Variants in GTSF1 observed in about 807,000 individuals in gnomAD.
GTSF1 encodes gametocyte-specific factor 1.
GTSF1 carries 11 observed loss-of-function variants against 28.9 expected under a neutral mutation model. The observed-to-expected ratio is 0.38, with a 90% CI of 0.24 to 0.63. GTSF1 has a LOEUF of 0.63. Among genes scored for constraint, GTSF1 ranks in the 30% least tolerant of loss-of-function variants. GTSF1 has a pLI of 0.56. For synonymous variants in GTSF1, 69 were observed against 65.6 expected (o/e 1.05, Z -0.25); for missense variants, 146 against 201.0 (o/e 0.73, Z 1.66).
intron 3 of GTSF1, among the ~76,000 whole-genome samples, chr12:54,464,139 T>C (rs909674552): frequency 6.6e-6 from 1 of 152,206 alleles, no homozygotes; most frequent in Non-Finnish European, 1.5e-5. Flanking sequence ...TCATAAGTGG[T>C]ATCAGGCATT....
chr12:54,462,476 C>T (rs370179507), intron 5 of GTSF1, among the ~76,000 whole-genome samples, 166 bp downstream of exon 5: 1 of 152,174 alleles, frequency 6.6e-6, no homozygotes, highest in Non-Finnish European at 1.5e-5. Flanking sequence ...GGCTGTTCCA[C>T]GTGTCTGCAC....
intron 6 of GTSF1, 130 bp from the exon 7 acceptor site, chr12:54,460,601 C>T (rs1956406279): frequency 4.7e-6 from 3 of 635,100 alleles, no homozygotes; most frequent in Middle Eastern, 2.6e-4. Context: ...AATGTAAACA[C>T]ATTTCCATCA....
chr12:54,467,735 T>A (rs1372094795), intron 2 of GTSF1, among the ~76,000 whole-genome samples: 2 of 152,116 alleles, frequency 1.3e-5, no homozygotes, highest in Non-Finnish European at 2.9e-5. Context: ...ATGTATCAAA[T>A]TTTTGATTTT....
chr12:54,458,373 A>T lies in GTSF1; in HGVS notation c.*20+716T>A, dbSNP rs577515367. ...TAGAAACCCAAAGCTTTTATTTTTT[A>T]AATTTTATTTTATTTTTGAGACATA... On this transcript the variant is annotated intron_variant, in intron 8 of 8. Coordinates refer to ENST00000305879, the MANE Select transcript of GTSF1 (RefSeq NM_144594.3). 3.0e-3 allele frequency among the ~76,000 whole-genome samples: 460 copies of T among 152,184 alleles called. 1 individual carries two copies. Among genetic ancestry groups the T allele is most frequent in the African/African-American group, 0.011 (445 of 41,534 alleles).
intron 2 of GTSF1, among the ~76,000 whole-genome samples, chr12:54,469,357 C>A (rs61923472): frequency 0.19 from 28,571 of 151,894 alleles, 2,925 homozygotes; most frequent in African/African-American, 0.26. Flanking sequence ...GATTACGGGC[C>A]TGAACCACCG....
At chr12:54,458,968 GCA>G (rs1053261807) in intron 8 of GTSF1, 119 bp downstream of exon 8, 1 of 622,932 alleles carries the variant, frequency 1.6e-6, no homozygotes, top group African/African-American at 1.9e-5. Flanking sequence ...AAAAACACAT[GCA>G]CACACAAAGC....
Position 54,462,670 on chromosome 12 carries a change from G to GCA in GTSF1, c.298_299dup (p.Pro101AlafsTer37), listed in dbSNP as rs1235897734. On this transcript the variant is annotated frameshift_variant, in exon 5 of 9. Coordinates refer to ENST00000305879, the MANE Select transcript of GTSF1 (RefSeq NM_144594.3). LOFTEE classifies it high-confidence loss of function. ...TATCCCAGTCTTCATCGCAAGGAGG[G>GCA]CACTGCCAAGTGCTCTCAGCCAGAG... The GCA allele has an allele frequency of 6.2e-7, 1 of 1,613,912 alleles. No individual in the cohort carries two copies.
chr12:54,463,354 G>A, intron 3 of GTSF1, 57 bp from the exon 4 acceptor site: 1 of 1,574,216 alleles, frequency 6.4e-7, no homozygotes, highest in South Asian at 1.1e-5. Context: ...AAGTCAACAG[G>A]GAGTAGCTAA....
At chr12:54,463,343 A>G (rs1956454129) in intron 3 of GTSF1, 46 bp from the exon 4 acceptor site, 2 of 1,604,628 alleles carry the variant, frequency 1.2e-6, no homozygotes, top group South Asian at 1.1e-5. Flanking sequence ...TGGATCTACT[A>G]AAGTCAACAG....
intron 6 of GTSF1, 59 bp from the exon 7 acceptor site, chr12:54,460,530 T>C: frequency 1.8e-6 from 2 of 1,104,408 alleles, no homozygotes; most frequent in Non-Finnish European, 2.7e-6. Flanking sequence ...CAGGCACACG[T>C]AAGATAATCA....
At chr12:54,466,154 T>C (rs780279499) in intron 2 of GTSF1, among the ~76,000 whole-genome samples, 10 of 152,180 alleles carry the variant, frequency 6.6e-5, no homozygotes, top group Non-Finnish European at 1.5e-4. Flanking sequence ...GTGCCCCAAA[T>C]TTTAACAAGC....
chr12:54,460,555 T>C (rs1956405887), intron 6 of GTSF1, 84 bp from the exon 7 acceptor site: 4 of 891,356 alleles, frequency 4.5e-6, no homozygotes, highest in South Asian at 1.5e-5. Context: ...GTGTTTTTTG[T>C]AATTTGGGGA....
chr12:54,469,681 C>A (rs1390157339), intron 2 of GTSF1, among the ~76,000 whole-genome samples: 14 of 130,814 alleles, frequency 1.1e-4, no homozygotes, highest in Non-Finnish European at 2.1e-4. Flanking sequence ...GAGCGAGACT[C>A]CTTCTCAAAA....
Position 54,473,583 on chromosome 12 carries a change from C to G in GTSF1, c.-67G>C, listed in dbSNP as rs749850343. Reference sequence around the variant, plus strand: ...ACACCTTCCTCACAGTCACCTTCCTCCCACGCAAGCCCCAGCAACGGCCAC... The same window carrying G: ...ACACCTTCCTCACAGTCACCTTCCTGCCACGCAAGCCCCAGCAACGGCCAC... On this transcript the variant is annotated 5_prime_UTR_variant, in exon 1 of 9. Coordinates refer to ENST00000305879, the MANE Select transcript of GTSF1 (RefSeq NM_144594.3). The G allele has an allele frequency of 6.6e-6, 1 of 152,260 alleles. No individual in the cohort carries two copies. Among genetic ancestry groups the G allele is most frequent in the Non-Finnish European group, 1.5e-5 (1 of 68,080 alleles). The allele number at this position is 152,260 out of a possible 1,614,324, so 9.4% of individuals were successfully genotyped here.
intron 5 of GTSF1, 115 bp from the exon 6 acceptor site, chr12:54,462,287 A>G: frequency 1.4e-6 from 1 of 720,458 alleles, no homozygotes; most frequent in Non-Finnish European, 2.4e-6. Flanking sequence ...AGAAGCAAGT[A>G]AAAATTGATC....
chr12:54,472,533 T>C (rs1024678127), intron 1 of GTSF1: 3 of 152,154 alleles, frequency 2.0e-5, no homozygotes, highest in Admixed American at 2.0e-4. Flanking sequence ...CTATTAGAAA[T>C]CTCTTCTATT....
At chr12:54,470,216 AGG>A (rs1193242332) in intron 2 of GTSF1, among the ~76,000 whole-genome samples, 1 of 152,114 alleles carries the variant, frequency 6.6e-6, no homozygotes, top group Non-Finnish European at 1.5e-5. Flanking sequence ...ATTAAGGGGC[AGG>A]GGATCCCTTT....
At position 54,462,709 on chromosome 12, in the gene GTSF1, G is replaced by A. The variant is rs945404154; in HGVS notation, c.261C>T (p.Ser87=). Reference sequence around the variant, plus strand: ...TCTCAGCCAGAGTCTCTTGTCTAAGGCTCCTGGTTTGGTTGACTGCAAGAC... The same window carrying A: ...TCTCAGCCAGAGTCTCTTGTCTAAGACTCCTGGTTTGGTTGACTGCAAGAC... ...IEQDVVNQTR[S]LRQETLAEST... is the part of the protein sequence containing the mutation. The change falls in exon 5 of 9, where the codon AGC becomes AGT. Residue 87 remains serine, a synonymous_variant. Coordinates refer to ENST00000305879, the MANE Select transcript of GTSF1 (RefSeq NM_144594.3). The A allele has an allele frequency of 6.2e-6, 10 of 1,613,904 alleles. No individual in the cohort carries two copies. The highest frequency in any genetic ancestry group is 2.2e-5 in the South Asian group (2 of 91,054).
At position 54,462,118 on chromosome 12, in the gene GTSF1, T is replaced by C; in HGVS notation, c.383A>G (p.Asp128Gly). The C allele has an allele frequency of 6.2e-7, 1 of 1,612,820 alleles. No homozygotes were observed. Among genetic ancestry groups the C allele is most frequent in the African/African-American group, 1.3e-5 (1 of 75,014 alleles). ...PFVWGTTHYSDNNSPASNIVT... is the reference protein window; with the variant it reads ...PFVWGTTHYSGNNSPASNIVT... ...AGACTATTTCATTTACCTGTTGTTG[T>C]CAGAGTAGTGAGTTGTGCCCCAGAC... The change falls in exon 6 of 9, where the codon GAC becomes GGC. Residue 128 changes from aspartate to glycine, a missense_variant. Asp to Gly is a moderately conservative substitution (Grantham distance 94). Coordinates refer to ENST00000305879, the MANE Select transcript of GTSF1 (RefSeq NM_144594.3).
Sources: gnomAD v4.1 joint callset for allele counts (sites outside exome capture counted in the v4.1 genomes callset) on GRCh38, gnomAD v4.1.1 for gene constraint, MANE v1.5 for transcripts, NCBI Gene and HGNC (gene_info 2026-07-23, HGNC 2026-07-21) for gene names.